WIF1: variants seen among roughly 807,000 people sequenced by gnomAD.
The protein encoded by WIF1 is Wnt inhibitory factor 1.
A neutral mutation model predicts 53.5 loss-of-function variants in WIF1; 35 were observed. That is an observed-to-expected ratio of 0.65 (90% confidence interval 0.50 to 0.87). WIF1 has a LOEUF of 0.87. Ranked by LOEUF, WIF1 falls within the 40% of genes least tolerant of loss-of-function variation. The pLI is 0.00. For synonymous variants in WIF1, 171 were observed against 170.4 expected, an observed-to-expected ratio of 1.00 and a Z score of -0.03; for missense variants, 467 against 476.8, an observed-to-expected ratio of 0.98 and a Z score of 0.19.
intron 2 of WIF1, among the ~76,000 whole-genome samples, chr12:65,113,308 C>T (rs191637735): frequency 6.9e-4 from 105 of 152,236 alleles, no homozygotes; most frequent in African/African-American, 2.2e-3. Context: ...CTAACCACAC[C>T]CATCTTATTC....
chr12:65,062,636 T>G (rs1456021031), intron 6 of WIF1, 60 bp from the exon 7 acceptor site: 8 of 1,471,798 alleles, frequency 5.4e-6, no homozygotes, highest in Non-Finnish European at 7.4e-6. Context: ...AACACAAATT[T>G]CACTTAAAGT....
At chr12:65,099,851 T>A (rs548480257) in intron 2 of WIF1, among the ~76,000 whole-genome samples, 19 of 152,304 alleles carry the variant, frequency 1.2e-4, no homozygotes, top group African/African-American at 4.6e-4. Flanking sequence ...GCCAGTAATG[T>A]CAATAACTCT....
chr12:65,114,780 A>G (rs965139331), intron 2 of WIF1, among the ~76,000 whole-genome samples: 11 of 152,012 alleles, frequency 7.2e-5, no homozygotes, highest in African/African-American at 2.7e-4. Context: ...TATATACATG[A>G]CCTCCCACAT....
In WIF1 at chr12:65,110,766, C is replaced by T. The variant is rs1482894314; in HGVS notation, c.288+9651G>A. 2.6e-5 allele frequency among the ~76,000 whole-genome samples: 4 copies of T among 152,308 alleles called. No homozygotes were observed. In the South Asian group the frequency reaches 6.2e-4, roughly 24 times the overall value. ...AGATATATGGTGAACAGGACCAAGTCCTTGCTCTCATGAGCTTACATTGAA... is the reference window on the plus strand; with the variant it reads ...AGATATATGGTGAACAGGACCAAGTTCTTGCTCTCATGAGCTTACATTGAA... On this transcript the variant is annotated intron_variant, in intron 2 of 9. Transcript: ENST00000286574.
At chr12:65,052,810 G>T (rs1359721001) in intron 9 of WIF1, among the ~76,000 whole-genome samples, 1 of 152,152 alleles carries the variant, frequency 6.6e-6, no homozygotes, top group East Asian at 1.9e-4. Flanking sequence ...TGGCAGACCT[G>T]TCAGGAGGCA....
At chr12:65,111,973 A>G (rs1338004314) in intron 2 of WIF1, among the ~76,000 whole-genome samples, 1 of 152,224 alleles carries the variant, frequency 6.6e-6, no homozygotes, top group Non-Finnish European at 1.5e-5. Flanking sequence ...AAATCCAAAG[A>G]GAAGATAAAA....
chr12:65,057,720 CCACCTTT>C (rs1231958608), intron 7 of WIF1, among the ~76,000 whole-genome samples: 8 of 152,064 alleles, frequency 5.3e-5, no homozygotes, highest in African/African-American at 1.9e-4. Context: ...CTAAACCAAC[CCACCTTT>C]CACTCTCTAA....
intron 2 of WIF1, among the ~76,000 whole-genome samples, chr12:65,081,629 A>G (rs796101666): frequency 1.1e-4 from 16 of 152,286 alleles, no homozygotes; most frequent in African/African-American, 3.6e-4. Flanking sequence ...TCTTATTCTA[A>G]TAAGACTGTT....
intron 9 of WIF1, among the ~76,000 whole-genome samples, chr12:65,052,608 C>A (rs1254893981): frequency 2.6e-5 from 4 of 152,182 alleles, no homozygotes; most frequent in Admixed American, 6.5e-5. Context: ...TCAAAATAAA[C>A]CCCCTTCTTT....
chr12:65,117,426 T>C (rs906066909), intron 2 of WIF1, among the ~76,000 whole-genome samples: 1 of 152,180 alleles, frequency 6.6e-6, no homozygotes, highest in African/African-American at 2.4e-5. Context: ...TTGTTTGAAG[T>C]GGAACACGAG....
At chr12:65,108,075 G>T (rs768651212) in intron 2 of WIF1, among the ~76,000 whole-genome samples, 1 of 152,146 alleles carries the variant, frequency 6.6e-6, no homozygotes, top group African/African-American at 2.4e-5. Context: ...TCCCCCAGCC[G>T]AGTTAATGCT....
intron 2 of WIF1, among the ~76,000 whole-genome samples, chr12:65,098,632 T>C (rs1883238597): frequency 6.6e-6 from 1 of 151,814 alleles, no homozygotes; most frequent in South Asian, 2.1e-4. Context: ...ACTCAGCTAT[T>C]GCCTCAAAAT....
chr12:65,076,596 G>A (rs1882864461), intron 3 of WIF1, among the ~76,000 whole-genome samples: 1 of 152,040 alleles, frequency 6.6e-6, no homozygotes, highest in African/African-American at 2.4e-5. Context: ...CCAAGATTTT[G>A]GTACGCACAT....
At position 65,062,473 on chromosome 12, in the gene WIF1, A is replaced by G. The variant is rs1375294457; in HGVS notation, c.826+8T>C. On this transcript the variant is annotated splice_region_variant and intron_variant, in intron 7 of 9. Coordinates refer to ENST00000286574, the MANE Select transcript of WIF1 (RefSeq NM_007191.5). ...CAAGTCAAAAGAACGCAGAAAGTCA[A>G]TACTCACTGATTTCACACTGCTCTC... 6.2e-7 allele frequency: 1 copy of G among 1,600,824 alleles called. No homozygotes were observed. Among genetic ancestry groups the G allele is most frequent in the Admixed American group, 1.7e-5 (1 of 59,076 alleles).
chr12:65,107,508 T>A (rs1026404656), intron 2 of WIF1, among the ~76,000 whole-genome samples: 2 of 152,134 alleles, frequency 1.3e-5, no homozygotes, highest in Non-Finnish European at 2.9e-5. Context: ...TAACCCCAGC[T>A]ACTCAGGAGG....
intron 2 of WIF1, among the ~76,000 whole-genome samples, chr12:65,118,749 C>T (rs1592407711): frequency 6.6e-6 from 1 of 152,322 alleles, no homozygotes; most frequent in East Asian, 1.9e-4. Context: ...TATTTGCAAA[C>T]ATGCATTATA....
chr12:65,086,819 A>AG (rs1170110180), intron 2 of WIF1, among the ~76,000 whole-genome samples: 1 of 151,842 alleles, frequency 6.6e-6, no homozygotes, highest in East Asian at 1.9e-4. Context: ...AACTGTGCTA[A>AG]GAGCTATTCC....
intron 9 of WIF1, 57 bp downstream of exon 9, chr12:65,055,061 A>T: frequency 3.8e-6 from 6 of 1,572,148 alleles, no homozygotes; most frequent in Non-Finnish European, 5.2e-6. Context: ...CTGGTCTCCC[A>T]CTCACTTTTA....
At chr12:65,059,534 T>G (rs930000600) in intron 7 of WIF1, among the ~76,000 whole-genome samples, 14 of 152,324 alleles carry the variant, frequency 9.2e-5, no homozygotes, top group Non-Finnish European at 1.2e-4. Flanking sequence ...CCATGAGTCT[T>G]AGATAACAAG....
Sources: gnomAD v4.1 joint callset for allele counts (sites outside exome capture counted in the v4.1 genomes callset) on GRCh38, gnomAD v4.1.1 for gene constraint, MANE v1.5 for transcripts, NCBI Gene and HGNC (gene_info 2026-07-23, HGNC 2026-07-21) for gene names.